The following TENM4 variants were observed in gnomAD, a reference collection of about 807,000 sequenced individuals.
TENM4 encodes teneurin transmembrane protein 4.
A neutral mutation model predicts 243.3 loss-of-function variants in TENM4; 82 were observed. The observed-to-expected ratio is 0.34, with a 90% CI of 0.28 to 0.40. TENM4 has a LOEUF of 0.40. Among genes scored for constraint, TENM4 ranks in the 10% least tolerant of loss-of-function variants. The pLI is 1.00. For missense variants in TENM4, 3,138 were observed against 3,673.3 expected, an observed-to-expected ratio of 0.85 and a Z score of 3.77; for synonymous variants, 1,412 against 1,456.3, an observed-to-expected ratio of 0.97 and a Z score of 0.69.
Position 78,859,421 on chromosome 11 carries a change from C to T in TENM4, c.1256-3243G>A, listed in dbSNP as rs114656694. On this transcript the variant is annotated intron_variant, in intron 10 of 33. Coordinates refer to ENST00000278550, the MANE Select transcript of TENM4 (RefSeq NM_001098816.3). ...AGATTTTACTGATAATAGTCCTTTG[C>T]TTTGTAAAGCTAGATAGATTCAGGC... 1.9e-3 allele frequency among the ~76,000 whole-genome samples: 290 copies of T among 152,304 alleles called. 1 individual carries two copies. Among genetic ancestry groups the T allele is most frequent in the African/African-American group, 6.0e-3 (251 of 41,570 alleles).
chr11:79,083,128 C>T (rs536390795), intron 4 of TENM4, among the ~76,000 whole-genome samples: 65 of 152,238 alleles, frequency 4.3e-4, no homozygotes, highest in South Asian at 8.3e-4. Context: ...TTATAAGTGC[C>T]GTAAAGAAAG....
At chr11:79,362,377 T>A (rs1565315334) in intron 1 of TENM4, among the ~76,000 whole-genome samples, 4 of 152,176 alleles carry the variant, frequency 2.6e-5, no homozygotes, top group Admixed American at 1.3e-4. Flanking sequence ...AGGTACTGTA[T>A]ACACGGAAAT....
At chr11:79,006,975 T>C (rs902830865) in intron 6 of TENM4, among the ~76,000 whole-genome samples, 29 of 152,290 alleles carry the variant, frequency 1.9e-4, no homozygotes, top group African/African-American at 6.7e-4. Context: ...ATTCACTCAG[T>C]TGAAGGCCTG....
chr11:78,725,580 ACAATGAACCTTCTCTCCAGTAACTTTC>A (rs1855492156), intron 23 of TENM4, among the ~76,000 whole-genome samples: 1 of 152,188 alleles, frequency 6.6e-6, no homozygotes, highest in Non-Finnish European at 1.5e-5. Flanking sequence ...TGCTTAAATC[ACAATGAACCTTCTCTCCAGTAACTTTC>A]TTTTAGGCTT....
At chr11:79,247,209 G>A (rs1256312721) in intron 2 of TENM4, among the ~76,000 whole-genome samples, 4 of 151,862 alleles carry the variant, frequency 2.6e-5, no homozygotes, top group East Asian at 1.9e-4. Context: ...CTGAGGTCAG[G>A]AGATTGAGAC....
At chr11:78,942,602 C>T (rs974054284) in intron 6 of TENM4, among the ~76,000 whole-genome samples, 1 of 152,114 alleles carries the variant, frequency 6.6e-6, no homozygotes, top group African/African-American at 2.4e-5. Flanking sequence ...ACCGACCTCC[C>T]ACTCCTCTGA....
intron 22 of TENM4, among the ~76,000 whole-genome samples, chr11:78,728,415 G>A (rs1337921188): frequency 6.6e-6 from 1 of 152,108 alleles, no homozygotes; most frequent in Non-Finnish European, 1.5e-5. Context: ...CCCACAGTAG[G>A]TGCTCAAGCA....
intron 1 of TENM4, among the ~76,000 whole-genome samples, chr11:79,373,198 A>G (rs1590918964): frequency 6.6e-6 from 1 of 152,162 alleles, no homozygotes; most frequent in African/African-American, 2.4e-5. Context: ...GCATGGATGG[A>G]TGGATAGATG....
chr11:79,423,373 G>C (rs1858978445), intron 1 of TENM4, among the ~76,000 whole-genome samples: 1 of 148,320 alleles, frequency 6.7e-6, no homozygotes, highest in Non-Finnish European at 1.5e-5. Flanking sequence ...TTCCACTAAA[G>C]AGTCAGGGCT....
At chr11:78,820,399 A>G (rs1280342969) in intron 12 of TENM4, among the ~76,000 whole-genome samples, 3 of 152,220 alleles carry the variant, frequency 2.0e-5, no homozygotes, top group Non-Finnish European at 4.4e-5. Context: ...GGACCAGAGT[A>G]TGGGCTCTGG....
chr11:79,189,029 T>C (rs574604008), intron 3 of TENM4, among the ~76,000 whole-genome samples: 7 of 152,256 alleles, frequency 4.6e-5, no homozygotes, highest in African/African-American at 9.6e-5. Context: ...GTTCCTTAGG[T>C]GGGATGCCTT....
chr11:78,738,357 A>G (rs1447960116), intron 20 of TENM4, 94 bp downstream of exon 20: 2 of 1,488,318 alleles, frequency 1.3e-6, no homozygotes, highest in Non-Finnish European at 1.8e-6. Flanking sequence ...TCCAAGACCC[A>G]TCCTCTTTCC....
chr11:79,012,445 C>A (rs542916716), intron 6 of TENM4, among the ~76,000 whole-genome samples: 24 of 152,072 alleles, frequency 1.6e-4, no homozygotes, highest in African/African-American at 2.9e-4. Context: ...CCAGGCAGTT[C>A]CCTCATTTGA....
intron 6 of TENM4, among the ~76,000 whole-genome samples, chr11:78,965,447 C>T (rs539573747): frequency 9.2e-5 from 14 of 152,260 alleles, no homozygotes; most frequent in African/African-American, 1.2e-4. Context: ...AATCTTCAAT[C>T]GGAGCTTCTA....
intron 1 of TENM4, among the ~76,000 whole-genome samples, chr11:79,430,064 A>G (rs1859133911): frequency 6.6e-6 from 1 of 152,094 alleles, no homozygotes; most frequent in Non-Finnish European, 1.5e-5. Flanking sequence ...CAAGGTGGCA[A>G]AAAGTGAGCT....
intron 29 of TENM4, among the ~76,000 whole-genome samples, chr11:78,685,520 A>G (rs148666680): frequency 4.3e-4 from 66 of 152,322 alleles, no homozygotes; most frequent in African/African-American, 1.6e-3. Context: ...TGAAATTGGA[A>G]TGTGTCCACG....
chr11:78,852,975 A>C (rs1266102033), intron 12 of TENM4, among the ~76,000 whole-genome samples: 1 of 151,982 alleles, frequency 6.6e-6, no homozygotes, highest in African/African-American at 2.4e-5. Context: ...GCAGGTCTTG[A>C]ACTCCTGGTC....
intron 29 of TENM4, among the ~76,000 whole-genome samples, chr11:78,678,040 T>G (rs1208281295): frequency 1.5e-5 from 1 of 65,094 alleles, no homozygotes; most frequent in African/African-American, 6.1e-5. Context: ...TTTTTGTTCT[T>G]GCGATAGTTT....
At chr11:78,916,004 C>T (rs1003809458) in intron 6 of TENM4, among the ~76,000 whole-genome samples, 6 of 152,194 alleles carry the variant, frequency 3.9e-5, no homozygotes, top group Admixed American at 6.5e-5. Flanking sequence ...CAAGCTGCCT[C>T]GGGATCAAAT....
Sources: allele counts gnomAD v4.1 joint callset (sites outside exome capture counted in the v4.1 genomes callset), GRCh38; gene constraint gnomAD v4.1.1; transcripts MANE v1.5; gene names NCBI Gene and HGNC (gene_info 2026-07-23, HGNC 2026-07-21).